Variants in TSPAN19 observed in about 807,000 individuals in gnomAD.
The protein encoded by TSPAN19 is tetraspanin 19.
TSPAN19 carries 44 observed loss-of-function variants against 35.1 expected under a neutral mutation model. The ratio of observed to expected loss-of-function variants is 1.25; its 90% CI spans 0.98 to 1.61. TSPAN19 has a LOEUF of 1.61. TSPAN19 is among the 40% of genes most tolerant of loss of function. The probability of loss-of-function intolerance (pLI) is 0.00; values close to 1 mark genes in which losing one functional copy is unlikely to be tolerated. For synonymous variants in TSPAN19, 79 were observed against 92.0 expected, an observed-to-expected ratio of 0.86 and a Z score of 0.81; for missense variants, 290 against 280.0, an observed-to-expected ratio of 1.04 and a Z score of -0.26.
intron 1 of TSPAN19, among the ~76,000 whole-genome samples, chr12:85,030,860 TTTCTC>T (rs1311937074): frequency 1.3e-5 from 2 of 152,118 alleles, no homozygotes; most frequent in Non-Finnish European, 2.9e-5. Context: ...GATTTTCTCT[TTTCTC>T]TTCTCACTGT....
At chr12:85,018,352 C>T (rs575689449) in intron 6 of TSPAN19, among the ~76,000 whole-genome samples, 86 of 151,892 alleles carry the variant, frequency 5.7e-4, no homozygotes, top group South Asian at 4.8e-3. Context: ...GAAATGCTGA[C>T]GACTAAAATA....
At chr12:85,030,483 T>C (rs2135816418) in intron 1 of TSPAN19, among the ~76,000 whole-genome samples, 1 of 152,174 alleles carries the variant, frequency 6.6e-6, no homozygotes, top group African/African-American at 2.4e-5. Context: ...GGGATCTTTC[T>C]CTTAACCCAA....
intron 8 of TSPAN19, 108 bp from the exon 9 acceptor site, chr12:85,014,663 G>T: frequency 2.7e-6 from 2 of 746,824 alleles, no homozygotes. Context: ...AGGGAAAAGG[G>T]ATCAAAACTG....
rs1876765076 is a variant in TSPAN19 at position 85,015,918 on chromosome 12, G to A, written c.648C>T (p.Ile216=). ...AWYNVNVLTL[I]GINFGLLTSE... ...AAGTTAAAAGTCCAAAGTTAATTCCGATTAAGGTTAACACATTAACATTAT... is the reference window on the plus strand; with the variant it reads ...AAGTTAAAAGTCCAAAGTTAATTCCAATTAAGGTTAACACATTAACATTAT... Residue 216 remains isoleucine (I), a synonymous_variant, in exon 8 of 9, where the codon ATC becomes ATT. Coordinates refer to ENST00000532498, the MANE Select transcript of TSPAN19 (RefSeq NM_001100917.2). The A allele has an allele frequency of 2.6e-6, 4 of 1,548,800 alleles. No homozygotes were observed. Among genetic ancestry groups the A allele is most frequent in the Non-Finnish European group, 3.5e-6 (4 of 1,145,934 alleles).
chr12:85,030,418 C>T (rs973907504), intron 1 of TSPAN19, among the ~76,000 whole-genome samples: 3 of 152,076 alleles, frequency 2.0e-5, no homozygotes, highest in African/African-American at 7.2e-5. Context: ...CTCACTTCTG[C>T]ATGCCCTTCC....
At position 85,025,118 on chromosome 12, in the gene TSPAN19, G is replaced by A. The variant is rs552629779; in HGVS notation, c.265-1718C>T. Among the ~76,000 whole-genome samples, 34 of 151,094 alleles carry A rather than the reference G, an allele frequency of 2.3e-4. No individual in the cohort carries two copies. The South Asian group carries it at 7.1e-3, about 32-fold the overall frequency. On this transcript the variant is annotated intron_variant, in intron 4 of 8. Transcript: ENST00000532498. ...TTATACTAATAAGGGATTGGTAGAGGCAGGAAAAATTATATGAAACCTTTT... is the reference window on the plus strand; with the variant it reads ...TTATACTAATAAGGGATTGGTAGAGACAGGAAAAATTATATGAAACCTTTT...
chr12:85,032,560 A>G (rs961029730), intron 1 of TSPAN19, among the ~76,000 whole-genome samples: 3 of 152,152 alleles, frequency 2.0e-5, no homozygotes, highest in Non-Finnish European at 4.4e-5. Flanking sequence ...TCAAGGTTAC[A>G]AAGTTAAAAC....
chr12:85,021,147 T>C (rs1471166012), intron 5 of TSPAN19, among the ~76,000 whole-genome samples: 3 of 152,094 alleles, frequency 2.0e-5, no homozygotes, highest in African/African-American at 7.2e-5. Context: ...GAAGAATAGA[T>C]ATTATTACTG....
intron 1 of TSPAN19, among the ~76,000 whole-genome samples, chr12:85,032,008 G>A (rs1211371502): frequency 6.6e-6 from 1 of 152,002 alleles, no homozygotes; most frequent in African/African-American, 2.4e-5. Flanking sequence ...CTGTGGAAAA[G>A]AATCAAAGAC....
chr12:85,027,700 C>T (rs1372921121), intron 4 of TSPAN19, among the ~76,000 whole-genome samples, 199 bp downstream of exon 4: 2 of 152,230 alleles, frequency 1.3e-5, no homozygotes, highest in East Asian at 3.9e-4. Flanking sequence ...GGTACAGATT[C>T]AATTCATAGA....
chr12:85,028,086 AT>A, intron 3 of TSPAN19, 63 bp from the exon 4 acceptor site: 1 of 1,317,870 alleles, frequency 7.6e-7, no homozygotes, highest in Non-Finnish European at 1.0e-6. Context: ...TATTTTATTT[AT>A]TTTCTATTTA....
intron 5 of TSPAN19, among the ~76,000 whole-genome samples, chr12:85,020,744 AT>A (rs1364866809): frequency 1.3e-5 from 2 of 151,996 alleles, no homozygotes. Flanking sequence ...CCCCTAGTTT[AT>A]TACCATTAGA....
At chr12:85,032,122 A>G (rs1486922554) in intron 1 of TSPAN19, among the ~76,000 whole-genome samples, 2 of 152,168 alleles carry the variant, frequency 1.3e-5, no homozygotes, top group African/African-American at 4.8e-5. Flanking sequence ...CATAAATTCA[A>G]TATTTCATGA....
chr12:85,019,533 T>A (rs1876999149), intron 6 of TSPAN19, 93 bp downstream of exon 6: 1 of 719,684 alleles, frequency 1.4e-6, no homozygotes, highest in Non-Finnish European at 2.4e-6. Flanking sequence ...CAAACTTTCA[T>A]CCATCTGCCC....
At chr12:85,019,202 C>T (rs11116687) in intron 6 of TSPAN19, among the ~76,000 whole-genome samples, 2,198 of 151,900 alleles carry the variant, frequency 0.014, 30 homozygotes, top group Non-Finnish European at 0.023. Flanking sequence ...GCCCACTTTA[C>T]GAATGTGGAA....
rs540400711 is a variant in TSPAN19, at chr12:85,014,610, T to C, written c.679-55A>G. The C allele has an allele frequency of 4.6e-4, 631 of 1,370,646 alleles. 1 individual carries two copies. The highest frequency in any genetic ancestry group is 6.0e-4 in the Non-Finnish European group (584 of 977,778). 84.9% of individuals were successfully genotyped at this position (1,370,646 alleles called of 1,614,324 possible). On this transcript the variant is annotated intron_variant, in intron 8 of 8. Coordinates refer to ENST00000532498, the MANE Select transcript of TSPAN19 (RefSeq NM_001100917.2). Reference sequence around the variant, plus strand: ...AAATTTAATCAATGATAAGAGTAATTTGCAAAGTTAACAATATATAGTCAC... The same window carrying C: ...AAATTTAATCAATGATAAGAGTAATCTGCAAAGTTAACAATATATAGTCAC...
chr12:85,026,751 A>G (rs1877435499), intron 4 of TSPAN19, among the ~76,000 whole-genome samples: 1 of 152,028 alleles, frequency 6.6e-6, no homozygotes. Flanking sequence ...ATATGCCTGT[A>G]TGGGTAAATA....
At position 85,034,616 on chromosome 12, in the gene TSPAN19, G is replaced by A. The variant is rs139204755; in HGVS notation, c.-28+1588C>T. Among the ~76,000 whole-genome samples, 93 of 152,218 alleles carry A rather than the reference G, an allele frequency of 6.1e-4. 1 individual carries two copies. The highest frequency in any genetic ancestry group is 2.1e-3 in the African/African-American group (86 of 41,544). On this transcript the variant is annotated intron_variant, in intron 1 of 8. Transcript: ENST00000532498. ...CCAACATACTCAATCTGAAGTTACCGTTTCTAGGAATAATGCAATTAAAAT... is the reference window on the plus strand; with the variant it reads ...CCAACATACTCAATCTGAAGTTACCATTTCTAGGAATAATGCAATTAAAAT...
chr12:85,014,336 T>TA lies in TSPAN19; in HGVS notation c.*150_*151insT, dbSNP rs998380792. The TA allele has an allele frequency of 1.9e-6, 1 of 523,128 alleles. No homozygotes were observed. Among genetic ancestry groups the TA allele is most frequent in the African/African-American group, 2.0e-5 (1 of 49,088 alleles). 32.4% of individuals were successfully genotyped at this position (523,128 alleles called of 1,614,324 possible). ...TTAATATAATTTCATGAATGTTTTA[T>TA]TATAGTATTCAGTAATTCAATATTA... On this transcript the variant is annotated 3_prime_UTR_variant, in exon 9 of 9. Transcript: ENST00000532498.
Sources: gnomAD v4.1 joint callset for allele counts (sites outside exome capture counted in the v4.1 genomes callset) on GRCh38, gnomAD v4.1.1 for gene constraint, MANE v1.5 for transcripts, NCBI Gene and HGNC (gene_info 2026-07-23, HGNC 2026-07-21) for gene names.